The following DNAH10 variants were observed in gnomAD, a reference collection of about 807,000 sequenced individuals.
The protein encoded by DNAH10 is dynein axonemal heavy chain 10, also known as axonemal beta dynein heavy chain 10.
DNAH10 carries 348 observed loss-of-function variants against 506.6 expected under a neutral mutation model. That is an observed-to-expected ratio of 0.69 (90% CI 0.63 to 0.75). The LOEUF is 0.75. Among genes scored for constraint, DNAH10 ranks in the 30% least tolerant of loss-of-function variants. The pLI is 0.00. For synonymous variants in DNAH10, 2,059 were observed against 2,198.6 expected, an observed-to-expected ratio of 0.94 and a Z score of 1.78; for missense variants, 5,179 against 5,787.1, an observed-to-expected ratio of 0.89 and a Z score of 3.41.
intron 72 of DNAH10, chr12:123,930,047 C>T (rs371570202): frequency 2.4e-4 from 130 of 549,434 alleles, no homozygotes; most frequent in African/African-American, 1.9e-3. Flanking sequence ...GAAGCATCCC[C>T]GGTGGTCTGC....
chr12:123,851,193 G>A (rs571800522), intron 35 of DNAH10, 117 bp downstream of exon 35: 1 of 1,126,312 alleles, frequency 8.9e-7, no homozygotes, highest in Non-Finnish European at 1.2e-6. Context: ...GACCTAGGAT[G>A]TGTCAGCTCC....
rs184245220 is a variant in DNAH10 at position 123,896,062 on chromosome 12, G to A, written c.9280+1339G>A. 3.4e-3 allele frequency among the ~76,000 whole-genome samples: 512 copies of A among 150,980 alleles called. 3 individuals carry two copies. Among genetic ancestry groups the A allele is most frequent in the African/African-American group, 0.012 (488 of 41,086 alleles). Reference sequence around the variant, plus strand: ...CAGGAGGCAGAGGTTGCAGTGAGCCGAGTTTGTGCCACTGCTCTCCATCCT... The same window carrying A: ...CAGGAGGCAGAGGTTGCAGTGAGCCAAGTTTGTGCCACTGCTCTCCATCCT... On this transcript the variant is annotated intron_variant, in intron 54 of 78. Transcript: ENST00000673944.
intron 43 of DNAH10, among the ~76,000 whole-genome samples, chr12:123,868,629 A>G (rs1951904707): frequency 6.6e-6 from 1 of 152,254 alleles, no homozygotes; most frequent in African/African-American, 2.4e-5. Flanking sequence ...TCAATGAATC[A>G]TACATGATGA....
chr12:123,828,193 A>C (rs1200484356), intron 25 of DNAH10, among the ~76,000 whole-genome samples: 1 of 151,992 alleles, frequency 6.6e-6, no homozygotes, highest in Non-Finnish European at 1.5e-5. Flanking sequence ...AAAAAAAAAA[A>C]ACTAGCTCAA....
At chr12:123,765,310 G>C (rs1956980976) in intron 1 of DNAH10, among the ~76,000 whole-genome samples, 1 of 152,074 alleles carries the variant, frequency 6.6e-6, no homozygotes, top group South Asian at 2.1e-4. Context: ...TACATTTAAA[G>C]AAATTACACA....
chr12:123,860,916 A>G (rs972076679), intron 38 of DNAH10, 96 bp from the exon 39 acceptor site: 26 of 1,546,784 alleles, frequency 1.7e-5, no homozygotes, highest in Non-Finnish European at 2.2e-5. Flanking sequence ...TTTTGGATTA[A>G]AGTCAAAACA....
At chr12:123,767,096 C>T (rs917086593) in intron 1 of DNAH10, among the ~76,000 whole-genome samples, 7 of 151,780 alleles carry the variant, frequency 4.6e-5, no homozygotes, top group African/African-American at 1.5e-4. Flanking sequence ...TTAATAGAGA[C>T]GAGGTTTCAC....
At chr12:123,883,543 C>T (rs895205542) in intron 51 of DNAH10, among the ~76,000 whole-genome samples, 1 of 152,182 alleles carries the variant, frequency 6.6e-6, no homozygotes, top group Non-Finnish European at 1.5e-5. Context: ...TAGGGTCTCC[C>T]GTTATCCAAA....
At chr12:123,886,385 C>T (rs1183844907) in intron 51 of DNAH10, among the ~76,000 whole-genome samples, 1 of 152,016 alleles carries the variant, frequency 6.6e-6, no homozygotes, top group South Asian at 2.1e-4. Context: ...GGCGGCTGCA[C>T]TCGGGAGGGG....
chr12:123,910,738 GTACATA>G, intron 59 of DNAH10, 66 bp downstream of exon 59: 1 of 1,553,060 alleles, frequency 6.4e-7, no homozygotes, highest in Non-Finnish European at 8.7e-7. Context: ...GAATTCACAT[GTACATA>G]CCTTTGCTGA....
Position 123,931,782 on chromosome 12 carries a change from C to G in DNAH10, c.13063C>G (p.Gln4355Glu), listed in dbSNP as rs771069947. 1.9e-6 allele frequency: 3 copies of G among 1,614,040 alleles called. No homozygotes were observed. The highest frequency in any genetic ancestry group is 1.7e-6 in the Non-Finnish European group (2 of 1,179,902). Residue 4355 changes from glutamine (Q) to glutamate (E), a missense_variant, in exon 75 of 79, where the codon CAG (glutamine) becomes GAG (glutamate). This residue lies in a region of DNAH10 where 4,844 missense variants were observed against 5,430.5 expected (regional missense o/e 0.89). Transcript: ENST00000673944. ...GLSPTSVVLLQELERFNKLVV... is the reference protein window; with the variant it reads ...GLSPTSVVLLEELERFNKLVV... ...CTCCCCCACTTCGGTGGTGCTCCTG[C>G]AGGAACTGGAACGCTTCAACAAGCT...
chr12:123,797,014 G>A (rs1417580211), intron 13 of DNAH10, among the ~76,000 whole-genome samples, 182 bp downstream of exon 13: 4 of 152,278 alleles, frequency 2.6e-5, no homozygotes, highest in Middle Eastern at 6.8e-3. Context: ...GGGACTACAG[G>A]CATGTGCCAC....
Position 123,931,819 on chromosome 12 carries a change from T to C in DNAH10, c.13100T>C (p.Met4367Thr), listed in dbSNP as rs1267315697. 1.9e-6 allele frequency: 3 copies of C among 1,614,046 alleles called. No individual in the cohort carries two copies. Among genetic ancestry groups the C allele is most frequent in the South Asian group, 2.2e-5 (2 of 91,084 alleles). ...CGCTTCAACAAGCTTGTGGTCCGGA[T>C]GACGAAGTCTCTGGCTGAACTTCAA... ...LERFNKLVVR[M>T]TKSLAELQRA... Residue 4367 changes from methionine to threonine, a missense_variant, in exon 75 of 79, where the codon ATG (methionine) becomes ACG (threonine). Transcript: ENST00000673944.
intron 11 of DNAH10, among the ~76,000 whole-genome samples, chr12:123,792,647 G>C (rs1034142685): frequency 6.6e-6 from 1 of 152,004 alleles, no homozygotes; most frequent in Non-Finnish European, 1.5e-5. Flanking sequence ...TTTTAGTAGA[G>C]ACAGAGTTTC....
chr12:123,883,852 G>C (rs1285644400), intron 51 of DNAH10, among the ~76,000 whole-genome samples: 1 of 152,064 alleles, frequency 6.6e-6, no homozygotes, highest in African/African-American at 2.4e-5. Context: ...CTGAAGTTTT[G>C]TCCGTGCCTG....
intron 58 of DNAH10, among the ~76,000 whole-genome samples, chr12:123,910,312 G>A (rs763609837): frequency 3.9e-5 from 6 of 152,230 alleles, no homozygotes; most frequent in Admixed American, 1.3e-4. Context: ...TGTGACACCT[G>A]CGTCCTGGGT....
At chr12:123,819,952 G>A (rs143621837) in intron 23 of DNAH10, among the ~76,000 whole-genome samples, 1,959 of 151,998 alleles carry the variant, frequency 0.013, 32 homozygotes, top group African/African-American at 0.043. Context: ...TGATCCTCCC[G>A]CCTCAGCCTC....
Position 123,907,155 on chromosome 12 carries a change from G to T in DNAH10, c.9816-2106G>T, listed in dbSNP as rs981342982. On this transcript the variant is annotated intron_variant, in intron 57 of 78. Transcript: ENST00000673944. The surrounding 1 kb of genome is among the most constrained non-coding windows in gnomAD (Gnocchi z 4.4). Reference sequence around the variant, plus strand: ...GCATGGGGAAATTATGTAGGATTAGGTTAGGAAGGAAAGGTCCTTGCTGCT... The same window carrying T: ...GCATGGGGAAATTATGTAGGATTAGTTTAGGAAGGAAAGGTCCTTGCTGCT... 1.3e-5 allele frequency among the ~76,000 whole-genome samples: 2 copies of T among 152,210 alleles called. No individual in the cohort carries two copies. Among genetic ancestry groups the T allele is most frequent in the Non-Finnish European group, 2.9e-5 (2 of 68,044 alleles).
chr12:123,867,720 G>A, intron 42 of DNAH10, 119 bp downstream of exon 42: 1 of 1,458,570 alleles, frequency 6.9e-7, no homozygotes, highest in South Asian at 1.4e-5. Context: ...GTTGGTCAGT[G>A]CCAAGGCGGG....
Sources: allele counts gnomAD v4.1 joint callset (sites outside exome capture counted in the v4.1 genomes callset), GRCh38; gene constraint gnomAD v4.1.1; regional missense constraint gnomAD v4.1.1; non-coding constraint Gnocchi (gnomAD v3.1); transcripts MANE v1.5; gene names NCBI Gene and HGNC (gene_info 2026-07-23, HGNC 2026-07-21).